Variants in DNAAF5 observed in about 807,000 individuals in gnomAD.
DNAAF5 encodes the protein dynein axonemal assembly factor 5.
In DNAAF5, 64 loss-of-function variants were observed where a neutral mutation model predicts 75.8. The ratio of observed to expected loss-of-function variants is 0.84; its 90% confidence interval spans 0.69 to 1.04. DNAAF5 has a LOEUF of 1.04. DNAAF5 is among the 50% of genes least tolerant of loss of function. The pLI, the probability that DNAAF5 is intolerant of heterozygous loss-of-function variation, is 0.00. For missense variants in DNAAF5, 1,269 were observed against 1,178.5 expected (o/e 1.08, Z -1.12); for synonymous variants, 657 against 557.2 (o/e 1.18, Z -2.52).
At chr7:751,570 ATTT>A (rs11439744) in intron 4 of DNAAF5, among the ~76,000 whole-genome samples, 1,490 of 92,252 alleles carry the variant, frequency 0.016, 21 homozygotes, top group African/African-American at 0.056. Flanking sequence ...GTTGTTCTGA[ATTT>A]TTTTTTTTTT....
intron 12 of DNAAF5, among the ~76,000 whole-genome samples, chr7:783,286 C>T (rs1779036516): frequency 6.6e-6 from 1 of 152,230 alleles, no homozygotes; most frequent in Admixed American, 6.5e-5. Context: ...TGCCCACTCG[C>T]GGGTGTAAGC....
chr7:726,852 G>T lies in DNAAF5; in HGVS notation c.132G>T (p.Pro44=). The T allele has an allele frequency of 7.6e-7, 1 of 1,319,622 alleles. No homozygotes were observed. The highest frequency in any genetic ancestry group is 2.0e-5 in the South Asian group (1 of 49,284). 81.7% of individuals were successfully genotyped at this position (1,319,622 alleles called of 1,614,324 possible). ...CGGGGCTGGAGGCCGACAGCAAGCC[G>T]GGCCGGCGGCGCGCCTTGGAGGCCC... is the stretch of plus-strand genomic sequence containing the variant. ...LLPGLEADSK[P]GRRRALEALR... Residue 44 remains proline, a synonymous_variant, in exon 1 of 13, where the codon CCG becomes CCT. Coordinates refer to ENST00000297440, the MANE Select transcript of DNAAF5 (RefSeq NM_017802.4).
chr7:754,375 C>G lies in DNAAF5; in HGVS notation c.1025-214C>G, dbSNP rs1176358696. Among the ~76,000 whole-genome samples the G allele has an allele frequency of 6.6e-6, 1 of 152,182 alleles. No homozygotes were observed. Among genetic ancestry groups the G allele is most frequent in the African/African-American group, 2.4e-5 (1 of 41,440 alleles). On this transcript the variant is annotated intron_variant, in intron 4 of 12. Transcript: ENST00000297440. This position sits in a 1 kb window ranked among gnomAD's most constrained non-coding sequence, Gnocchi z 4.8. ...TCCTGGGCTCTAGTGATCCACCTGC[C>G]TTGGCCTCCACAGGGCTAGGACTGC...
intron 6 of DNAAF5, among the ~76,000 whole-genome samples, chr7:759,149 C>T (rs1053308060): frequency 2.6e-5 from 4 of 152,190 alleles, no homozygotes; most frequent in Non-Finnish European, 4.4e-5. Context: ...TTATGTTTCC[C>T]ACAGCTATTC....
At chr7:760,252 G>A (rs1782605971) in intron 6 of DNAAF5, among the ~76,000 whole-genome samples, 1 of 152,188 alleles carries the variant, frequency 6.6e-6, no homozygotes, top group African/African-American at 2.4e-5. Context: ...CGTCAGTGGG[G>A]AATGAGGCTT....
intron 12 of DNAAF5, among the ~76,000 whole-genome samples, chr7:785,193 A>G (rs1391570036): frequency 6.6e-6 from 1 of 152,186 alleles, no homozygotes; most frequent in Non-Finnish European, 1.5e-5. Flanking sequence ...CAGCAGGATC[A>G]GGTCATTCGT....
intron 2 of DNAAF5, chr7:732,661 A>G (rs996644229): frequency 8.8e-6 from 4 of 455,058 alleles, no homozygotes; most frequent in South Asian, 6.2e-5. Context: ...GTCTATTCAG[A>G]TCTGTCCATT....
At chr7:747,142 G>A (rs112990557) in intron 4 of DNAAF5, among the ~76,000 whole-genome samples, 4 of 152,352 alleles carry the variant, frequency 2.6e-5, no homozygotes, top group South Asian at 2.1e-4. Context: ...ACACTCAGGC[G>A]TGGGGTTGCT....
In DNAAF5 at chr7:726,833, TGGAGGCCGACAGCAAGCCGGGCC is replaced by T; in HGVS notation, c.116_138del (p.Glu39AlafsTer93). On this transcript the variant is annotated frameshift_variant, in exon 1 of 13. Coordinates refer to ENST00000297440, the MANE Select transcript of DNAAF5 (RefSeq NM_017802.4). LOFTEE classifies it high-confidence loss of function. ...GCCCTGAGCCGCCTGCTGCCGGGGC[TGGAGGCCGACAGCAAGCCGGGCC>T]GGCGGCGCGCCTTGGAGGCCCTGCG... 1 of 1,329,230 alleles carries T rather than the reference TGGAGGCCGACAGCAAGCCGGGCC, an allele frequency of 7.5e-7. No homozygotes were observed. Among genetic ancestry groups the T allele is most frequent in the South Asian group, 2.0e-5 (1 of 50,350 alleles). The allele number at this position is 1,329,230 out of a possible 1,614,324, so 82.3% of individuals were successfully genotyped here.
rs1308078546 is a variant in DNAAF5, at chr7:754,042, A to C, written c.1025-547A>C. 1.4e-5 allele frequency among the ~76,000 whole-genome samples: 2 copies of C among 141,756 alleles called. No individual in the cohort carries two copies. Among genetic ancestry groups the C allele is most frequent in the Non-Finnish European group, 3.0e-5 (2 of 65,814 alleles). The allele number at this position is 141,756 out of a possible 152,430, so 93.0% of individuals were successfully genotyped here. The stretch of plus-strand genomic sequence containing the variant: ...CGGCTTCGCAGGCGTGTCTCTCATC[A>C]TATGGCGATGGCTTCGCAGGCGTGT... On this transcript the variant is annotated intron_variant, in intron 4 of 12. Transcript: ENST00000297440. The surrounding 1 kb of genome is among the most constrained non-coding windows in gnomAD (Gnocchi z 4.8).
chr7:770,231 C>T (rs1472998013), intron 8 of DNAAF5, among the ~76,000 whole-genome samples: 2 of 152,222 alleles, frequency 1.3e-5, no homozygotes, highest in Admixed American at 6.5e-5. Context: ...GGATTATAGG[C>T]ATGAGCCACC....
At position 727,002 on chromosome 7, in the gene DNAAF5, G is replaced by GCTGGCAGTGCA; in HGVS notation, c.284_294dup (p.Leu99TrpfsTer114). On this transcript the variant is annotated frameshift_variant, in exon 1 of 13. Coordinates refer to ENST00000297440, the MANE Select transcript of DNAAF5 (RefSeq NM_017802.4). LOFTEE classifies it high-confidence loss of function. ...GCGACCCCGCCGAGGGCTGCCGCGCGCTGGCAGTGCACCTGCTGGATCTGG... is the reference window on the plus strand; with the variant it reads ...GCGACCCCGCCGAGGGCTGCCGCGCGCTGGCAGTGCACTGGCAGTGCACCTGCTGGATCTGG... 1.6e-6 allele frequency: 2 copies of GCTGGCAGTGCA among 1,248,604 alleles called. No individual in the cohort carries two copies. The highest frequency in any genetic ancestry group is 2.0e-6 in the Non-Finnish European group (2 of 991,920). 77.3% of individuals were successfully genotyped at this position (1,248,604 alleles called of 1,614,324 possible). A position where few individuals can be genotyped will look rare whatever the true frequency, so the allele number is the denominator to read the frequency against.
chr7:730,882 C>T (rs543241397), intron 2 of DNAAF5, among the ~76,000 whole-genome samples: 57 of 152,282 alleles, frequency 3.7e-4, no homozygotes, highest in African/African-American at 1.3e-3. Flanking sequence ...CTGGAGCTGG[C>T]GTGGGTTCGG....
At chr7:783,975 T>G (rs961322030) in intron 12 of DNAAF5, among the ~76,000 whole-genome samples, 1 of 150,190 alleles carries the variant, frequency 6.7e-6, no homozygotes, top group Non-Finnish European at 1.5e-5. Flanking sequence ...GGCCATTCTT[T>G]CTCCTGTCTT....
At chr7:779,069 T>C (rs1186938675) in intron 11 of DNAAF5, among the ~76,000 whole-genome samples, 3 of 152,268 alleles carry the variant, frequency 2.0e-5, no homozygotes, top group Non-Finnish European at 4.4e-5. Context: ...TGGGTCCCAC[T>C]TGTCTCAAAG....
chr7:768,265 TAG>T (rs1778412112), intron 8 of DNAAF5, among the ~76,000 whole-genome samples: 3 of 145,572 alleles, frequency 2.1e-5, no homozygotes, highest in Admixed American at 6.8e-5. Flanking sequence ...GAGGAGGAGC[TAG>T]CGCTGGGAGG....
chr7:771,162 A>AAAT (rs1313311924), intron 9 of DNAAF5: 5 of 152,382 alleles, frequency 3.3e-5, no homozygotes, highest in Non-Finnish European at 7.3e-5. Flanking sequence ...TTGATGGTCA[A>AAAT]AGTGGTAAAA....
At position 774,070 on chromosome 7, in the gene DNAAF5, A is replaced by C. The variant is rs746904842; in HGVS notation, c.1954A>C (p.Thr652Pro). 3 of 1,613,814 alleles carry C rather than the reference A, an allele frequency of 1.9e-6. No homozygotes were observed. The South Asian group carries it at 3.3e-5, about 18-fold the overall frequency. The change falls in exon 10 of 13, where the codon ACG becomes CCG. Residue 652 changes from threonine to proline, a missense_variant. Physicochemically the swap from Thr to Pro is conservative, Grantham distance 38. Transcript: ENST00000297440. ...CAGGCAGTTTCCCAGCTACCTCGAGACGGTGACAAAGGACATCCTGGCCCC... is the reference window on the plus strand; with the variant it reads ...CAGGCAGTTTCCCAGCTACCTCGAGCCGGTGACAAAGGACATCCTGGCCCC... ...SQGQFPSYLE[T>P]VTKDILAPNL...
chr7:746,772 T>G (rs940588155), intron 4 of DNAAF5, among the ~76,000 whole-genome samples: 6 of 152,240 alleles, frequency 3.9e-5, no homozygotes, highest in African/African-American at 1.4e-4. Context: ...TCTGTGAGTT[T>G]TGAGCAGCAC....
Sources: gnomAD v4.1 joint callset for allele counts (sites outside exome capture counted in the v4.1 genomes callset) on GRCh38, gnomAD v4.1.1 for gene constraint, Gnocchi (gnomAD v3.1) non-coding constraint, MANE v1.5 for transcripts, NCBI Gene and HGNC (gene_info 2026-07-23, HGNC 2026-07-21) for gene names.